The following SLC36A4 variants were observed in gnomAD, a reference collection of about 807,000 sequenced individuals.
SLC36A4 encodes neutral amino acid uniporter 4.
In SLC36A4, 49 loss-of-function variants were observed where a neutral mutation model predicts 50.5. That is an observed-to-expected ratio of 0.97 (90% CI 0.77 to 1.23). The LOEUF is 1.23. Among genes scored for constraint, SLC36A4 ranks in the 50% most tolerant of loss-of-function variants. SLC36A4 has a pLI of 0.00. For synonymous variants in SLC36A4, 207 were observed against 206.5 expected (o/e 1.00, Z -0.02); for missense variants, 611 against 608.4 (o/e 1.00, Z -0.05).
rs778711003 is a variant in SLC36A4, at chr11:93,148,770, C to T, written c.1282G>A (p.Ala428Thr). ...TCAACCAAAGGTGGCAGGATTAGGG[C>T]CAATGTGCTGCTGCTCACAGCTCCA... ...FVGAVSSSTL[A>T]LILPPLVEIL... is the part of the protein sequence containing the mutation. Residue 428 changes from alanine (A) to threonine (T), a missense_variant, in exon 11 of 11, where the codon GCC becomes ACC. By Grantham distance (58) the Ala-to-Thr change is moderately conservative. Transcript: ENST00000326402. 8 of 1,612,804 alleles carry T rather than the reference C, an allele frequency of 5.0e-6. No homozygotes were observed. The highest frequency in any genetic ancestry group is 2.2e-5 in the East Asian group (1 of 44,824).
rs1377405048 is a variant in SLC36A4, at chr11:93,165,983, C to A, written c.802G>T (p.Ala268Ser). The A allele has an allele frequency of 1.2e-6, 2 of 1,611,068 alleles. No homozygotes were observed. Among genetic ancestry groups the A allele is most frequent in the African/African-American group, 1.3e-5 (1 of 74,892 alleles). The change falls in exon 8 of 11, where the codon GCT (alanine) becomes TCT (serine). Residue 268 changes from alanine to serine, a missense_variant. Physicochemically the swap from Ala to Ser is moderately conservative, Grantham distance 99. Transcript: ENST00000326402. The stretch of plus-strand genomic sequence containing the variant: ...AAGAGTGGGTATTTCTTCCAACCAG[C>A]CACTATTGGAAGGTTGTGGGGATCT... ...MPDPHNLPIV[A>S]GWKKYPLFFG...
chr11:93,154,393 TACTA>T, intron 9 of SLC36A4, 116 bp from the exon 10 acceptor site: 2 of 460,130 alleles, frequency 4.3e-6, no homozygotes, highest in Non-Finnish European at 7.3e-6. Context: ...GCCAGAACCT[TACTA>T]ACTAAAAATG....
At chr11:93,174,003 T>C (rs939466116) in intron 6 of SLC36A4, among the ~76,000 whole-genome samples, 14 of 149,490 alleles carry the variant, frequency 9.4e-5, no homozygotes, top group Admixed American at 9.3e-4. Flanking sequence ...GGTAGCTTGA[T>C]GGGGATGGCA....
chr11:93,191,975 T>G lies in SLC36A4; in HGVS notation c.55+5803A>C, dbSNP rs554250471. Among the ~76,000 whole-genome samples, 18 of 152,298 alleles carry G rather than the reference T, an allele frequency of 1.2e-4. No individual in the cohort carries two copies. The South Asian group carries it at 3.7e-3, about 32-fold the overall frequency. Reference sequence around the variant, plus strand: ...GGTTACAATGGTTTCCTATTCAATTTCACAAATATTAATGAGGCCCTAATA... The same window carrying G: ...GGTTACAATGGTTTCCTATTCAATTGCACAAATATTAATGAGGCCCTAATA... On this transcript the variant is annotated intron_variant, in intron 1 of 10. Transcript: ENST00000326402.
In SLC36A4 at chr11:93,146,202, T is replaced by C. The variant is rs1001547534; in HGVS notation, c.*2335A>G. On this transcript the variant is annotated 3_prime_UTR_variant, in exon 11 of 11. Transcript: ENST00000326402. ...TCAATTTTATTCAAATTTCATTGCA[T>C]TTGATGAATTCCTTAAGGAAAATAA... The C allele has an allele frequency of 3.9e-5, 6 of 152,056 alleles. No homozygotes were observed. Among genetic ancestry groups the C allele is most frequent in the African/African-American group, 1.4e-4 (6 of 41,452 alleles). 9.4% of individuals were successfully genotyped at this position (152,056 alleles called of 1,614,324 possible). A position where few individuals can be genotyped will look rare whatever the true frequency, so the allele number is the denominator to read the frequency against.
At chr11:93,190,980 A>G (rs1004300170) in intron 1 of SLC36A4, among the ~76,000 whole-genome samples, 2 of 152,258 alleles carry the variant, frequency 1.3e-5, no homozygotes, top group South Asian at 4.1e-4. Flanking sequence ...AAGACTGAGC[A>G]TATCAACTTG....
intron 6 of SLC36A4, among the ~76,000 whole-genome samples, chr11:93,173,162 A>G (rs1376003050): frequency 7.0e-6 from 1 of 143,676 alleles, no homozygotes; most frequent in Non-Finnish European, 1.5e-5. Flanking sequence ...ATGGTATCTC[A>G]TTGTGGTTTT....
rs1256572855 is a variant in SLC36A4 at position 93,146,675 on chromosome 11, T to C, written c.*1862A>G. The C allele has an allele frequency of 6.6e-6, 1 of 152,070 alleles. No individual in the cohort carries two copies. Among genetic ancestry groups the C allele is most frequent in the African/African-American group, 2.4e-5 (1 of 41,440 alleles). 9.4% of individuals were successfully genotyped at this position (152,070 alleles called of 1,614,324 possible). A position where few individuals can be genotyped will look rare whatever the true frequency, so the allele number is the denominator to read the frequency against. On this transcript the variant is annotated 3_prime_UTR_variant, in exon 11 of 11. Coordinates refer to ENST00000326402, the MANE Select transcript of SLC36A4 (RefSeq NM_152313.4). ...AAATAGAGAATATATACAACTATAG[T>C]GATCTTGATGATATCTTCAAGTATG...
At chr11:93,195,291 C>T (rs1862372585) in intron 1 of SLC36A4, among the ~76,000 whole-genome samples, 1 of 151,986 alleles carries the variant, frequency 6.6e-6, no homozygotes, top group Non-Finnish European at 1.5e-5. Context: ...TACAAAACCA[C>T]CATAATATCC....
At chr11:93,166,106 C>A in intron 7 of SLC36A4, 90 bp from the exon 8 acceptor site, 1 of 1,275,902 alleles carries the variant, frequency 7.8e-7, no homozygotes, top group Non-Finnish European at 1.1e-6. Context: ...TAATTTTGAG[C>A]TTCACAACAG....
chr11:93,150,661 T>C (rs1449610145), intron 10 of SLC36A4, among the ~76,000 whole-genome samples: 2 of 152,066 alleles, frequency 1.3e-5, no homozygotes, highest in Non-Finnish European at 2.9e-5. Context: ...AAATACTTTA[T>C]AAAGTAGATT....
At chr11:93,181,089 A>G (rs1861711439) in intron 5 of SLC36A4, among the ~76,000 whole-genome samples, 1 of 151,948 alleles carries the variant, frequency 6.6e-6, no homozygotes, top group African/African-American at 2.4e-5. Context: ...CTCTACTAAC[A>G]CTGTTCTTCT....
At chr11:93,166,218 T>C in intron 7 of SLC36A4, 2 of 1,323,642 alleles carry the variant, frequency 1.5e-6, no homozygotes, top group Non-Finnish European at 1.9e-6. Context: ...AAGCAATTGT[T>C]TCCCTCATGC....
At chr11:93,182,675 A>G (rs1366915536) in intron 4 of SLC36A4, 131 bp downstream of exon 4, 2 of 523,976 alleles carry the variant, frequency 3.8e-6, no homozygotes, top group Non-Finnish European at 6.6e-6. Context: ...ACCTTCTTCC[A>G]TATTCATTAC....
At chr11:93,187,500 T>C (rs1043208884) in intron 1 of SLC36A4, among the ~76,000 whole-genome samples, 5 of 152,256 alleles carry the variant, frequency 3.3e-5, no homozygotes, top group Admixed American at 2.6e-4. Context: ...AACCACTTTA[T>C]ATCTCTGACC....
Position 93,148,673 on chromosome 11 carries a change from C to T in SLC36A4, c.1379G>A (p.Gly460Glu), listed in dbSNP as rs2134620671. The change falls in exon 11 of 11, where the codon GGA becomes GAA. Residue 460 changes from glycine (G) to glutamate (E), a missense_variant. Gly to Glu is a moderately conservative substitution (Grantham distance 98, BLOSUM62 -2). Transcript: ENST00000326402. ...TGTACCTAATAAGAAGCCAACAACT[C>T]CAGTGAATGCTATAGAAATATTTTT... Reference protein sequence around the residue: ...VLKNISIAFTGVVGFLLGTYI... With the variant: ...VLKNISIAFTEVVGFLLGTYI... 6.2e-7 allele frequency: 1 copy of T among 1,612,778 alleles called. No individual in the cohort carries two copies. The highest frequency in any genetic ancestry group is 1.1e-5 in the South Asian group (1 of 91,036).
intron 1 of SLC36A4, among the ~76,000 whole-genome samples, chr11:93,186,521 CTTAA>C (rs1861988549): frequency 6.6e-6 from 1 of 151,964 alleles, no homozygotes; most frequent in African/African-American, 2.4e-5. Context: ...TTTTTTCTTA[CTTAA>C]TTTTTTACTA....
At chr11:93,165,603 T>C (rs1860824505) in intron 8 of SLC36A4, among the ~76,000 whole-genome samples, 2 of 152,136 alleles carry the variant, frequency 1.3e-5, no homozygotes, top group African/African-American at 4.8e-5. Context: ...TTTACATAGT[T>C]CATTATACTA....
At chr11:93,156,186 T>A (rs1234575661) in intron 9 of SLC36A4, among the ~76,000 whole-genome samples, 2 of 152,186 alleles carry the variant, frequency 1.3e-5, no homozygotes, top group African/African-American at 2.4e-5. Flanking sequence ...TAACTTATAC[T>A]CCCATCAACA....
Sources: gnomAD v4.1 joint callset for allele counts (sites outside exome capture counted in the v4.1 genomes callset) on GRCh38, gnomAD v4.1.1 for gene constraint, MANE v1.5 for transcripts, NCBI Gene and HGNC (gene_info 2026-07-23, HGNC 2026-07-21) for gene names.